The following PNPT1 variants were observed in gnomAD, a reference collection of about 807,000 sequenced individuals.
The protein encoded by PNPT1 is polyribonucleotide nucleotidyltransferase 1, mitochondrial.
Under a neutral mutation model 119.5 loss-of-function variants are expected in PNPT1, and 53 were observed. The observed-to-expected ratio is 0.44, with a 90% CI of 0.36 to 0.56. The LOEUF is 0.56. Ranked by LOEUF, PNPT1 falls within the 20% of genes least tolerant of loss-of-function variation. The probability of loss-of-function intolerance (pLI) is 0.00; values close to 1 mark genes in which losing one functional copy is unlikely to be tolerated. For missense variants in PNPT1, 948 were observed against 938.5 expected (o/e 1.01, Z -0.13); for synonymous variants, 357 against 322.1 (o/e 1.11, Z -1.16).
intron 13 of PNPT1, among the ~76,000 whole-genome samples, chr2:55,662,402 C>T (rs1037686555): frequency 6.6e-6 from 1 of 152,148 alleles, no homozygotes; most frequent in Non-Finnish European, 1.5e-5. Flanking sequence ...TCAGGCCAGG[C>T]GTGGTGGCCC....
At position 55,645,711 on chromosome 2, in the gene PNPT1, A is replaced by C. The variant is rs1176285662; in HGVS notation, c.1739-279T>G. ...TAGTTGTGCTTCTTCTTTTTTTAAAATAGATATGGGATCTCACTACGTTGC... is the reference window on the plus strand; with the variant it reads ...TAGTTGTGCTTCTTCTTTTTTTAAACTAGATATGGGATCTCACTACGTTGC... On this transcript the variant is annotated intron_variant, in intron 21 of 27. Transcript: ENST00000447944. Among the ~76,000 whole-genome samples the C allele has an allele frequency of 2.0e-5, 3 of 152,262 alleles. No individual in the cohort carries two copies. The East Asian group carries it at 5.8e-4, about 29-fold the overall frequency.
At chr2:55,685,151 C>T (rs1697362429) in intron 3 of PNPT1, 103 bp from the exon 4 acceptor site, 2 of 726,756 alleles carry the variant, frequency 2.8e-6, no homozygotes, top group African/African-American at 1.8e-5. Flanking sequence ...ACAGTCTAGA[C>T]TCAGAGTAGA....
intron 13 of PNPT1, among the ~76,000 whole-genome samples, chr2:55,665,066 C>A (rs1258648095): frequency 1.3e-5 from 2 of 151,974 alleles, no homozygotes; most frequent in Non-Finnish European, 2.9e-5. Context: ...TTAAAATATA[C>A]CCCTAAATCA....
rs1696381336 is a variant in PNPT1, at chr2:55,656,191, C to G, written c.1381G>C (p.Val461Leu). Residue 461 changes from valine (V) to leucine (L), a missense_variant, in exon 17 of 28, where the codon GTT becomes CTT. Physicochemically the swap from Val to Leu is conservative, Grantham distance 32. Transcript: ENST00000447944. ...GTGAAAGGAAAATCTCGGGGAATAA[C>G]AGGATACAAAGCTTTCTCAGCAAGA... is the stretch of plus-strand genomic sequence containing the variant. Reference protein sequence around the residue: ...GALAEKALYPVIPRDFPFTIR... With the variant: ...GALAEKALYPLIPRDFPFTIR... 6.2e-7 allele frequency: 1 copy of G among 1,613,270 alleles called. No homozygotes were observed. Among genetic ancestry groups the G allele is most frequent in the Non-Finnish European group, 8.5e-7 (1 of 1,179,616 alleles).
chr2:55,684,839 C>A, intron 4 of PNPT1, 104 bp downstream of exon 4: 25 of 1,305,694 alleles, frequency 1.9e-5, no homozygotes, highest in Non-Finnish European at 2.4e-5. Flanking sequence ...GGTGTTAATG[C>A]TATGAAGGAA....
At chr2:55,640,563 G>T (rs1304551136) in intron 26 of PNPT1, 64 bp downstream of exon 26, 2 of 1,320,770 alleles carry the variant, frequency 1.5e-6, no homozygotes, top group East Asian at 4.6e-5. Context: ...ACCAACCTAG[G>T]TAATTTCAAT....
At chr2:55,677,596 C>CAAAAAAA (rs70954146) in intron 8 of PNPT1, among the ~76,000 whole-genome samples, 5 of 33,504 alleles carry the variant, frequency 1.5e-4, no homozygotes, top group African/African-American at 1.4e-4. Flanking sequence ...GACTATGTCT[C>CAAAAAAA]AAAAAAAAAA....
At chr2:55,681,366 C>A (rs961009948) in intron 5 of PNPT1, among the ~76,000 whole-genome samples, 1 of 152,138 alleles carries the variant, frequency 6.6e-6, no homozygotes. Context: ...GAGATCACGC[C>A]ATTGCACTCC....
chr2:55,677,288 T>C (rs183556162), intron 8 of PNPT1, among the ~76,000 whole-genome samples: 18 of 152,294 alleles, frequency 1.2e-4, no homozygotes, highest in Admixed American at 2.6e-4. Context: ...GCATGCCACA[T>C]GTGCAGCAAA....
Position 55,667,952 on chromosome 2 carries a change from A to C in PNPT1, c.983T>G (p.Phe328Cys), listed in dbSNP as rs1696790031. ...LDTEEQLKEK[F>C]PEADPYEIIE... The stretch of plus-strand genomic sequence containing the variant: ...TATTTCATATGGATCGGCTTCTGGA[A>C]ATTTTTCTATAGAAAAAAGACAAAC... The change falls in exon 12 of 28, where the codon TTT becomes TGT. Residue 328 changes from phenylalanine (F) to cysteine (C), a missense_variant. Transcript: ENST00000447944. 1 of 1,577,794 alleles carries C rather than the reference A, an allele frequency of 6.3e-7. No individual in the cohort carries two copies. The highest frequency in any genetic ancestry group is 8.5e-7 in the Non-Finnish European group (1 of 1,170,954).
rs746208333 is a variant in PNPT1 at position 55,662,332 on chromosome 2, C to T, written c.1177-306G>A. Among the ~76,000 whole-genome samples, 74 of 152,204 alleles carry T rather than the reference C, an allele frequency of 4.9e-4. No homozygotes were observed. In the Middle Eastern group the frequency reaches 0.01, roughly 21 times the overall value. On this transcript the variant is annotated intron_variant, in intron 13 of 27. Transcript: ENST00000447944. The stretch of plus-strand genomic sequence containing the variant: ...TTTAAGAACTATGTAGGAGAGTACG[C>T]TGAGGAAGCCTTAATACAGGTTCAG...
intron 9 of PNPT1, among the ~76,000 whole-genome samples, chr2:55,672,597 T>C (rs1263704051): frequency 6.6e-6 from 1 of 152,252 alleles, no homozygotes; most frequent in African/African-American, 2.4e-5. Flanking sequence ...TCCTTAGATA[T>C]TCAAATATCT....
At chr2:55,677,060 G>A (rs960624108) in intron 8 of PNPT1, among the ~76,000 whole-genome samples, 2 of 152,186 alleles carry the variant, frequency 1.3e-5, no homozygotes, top group African/African-American at 4.8e-5. Context: ...AGAGAGAGCT[G>A]GCTGAATAGC....
At chr2:55,661,881 T>C in intron 14 of PNPT1, 75 bp downstream of exon 14, 1 of 1,295,594 alleles carries the variant, frequency 7.7e-7, no homozygotes, top group Non-Finnish European at 1.0e-6. Context: ...CAATAATTAA[T>C]AATATACCAC....
At chr2:55,643,450 T>C (rs780673650) in intron 23 of PNPT1, 25 bp from the exon 24 acceptor site, 14 of 1,602,632 alleles carry the variant, frequency 8.7e-6, no homozygotes, top group Non-Finnish European at 1.2e-5. Context: ...ATGTAACATA[T>C]TAAAGTTAAC....
At chr2:55,671,577 A>G (rs569952184) in intron 10 of PNPT1, among the ~76,000 whole-genome samples, 1 of 152,366 alleles carries the variant, frequency 6.6e-6, no homozygotes, top group South Asian at 2.1e-4. Context: ...CCTAAAACTT[A>G]TATTAAAAAG....
intron 1 of PNPT1, among the ~76,000 whole-genome samples, chr2:55,689,842 G>C (rs143081357): frequency 1.3e-5 from 2 of 152,260 alleles, no homozygotes; most frequent in East Asian, 3.9e-4. Context: ...CTTATTTTGA[G>C]ATAGGGTCTT....
At chr2:55,636,618 C>G (rs1243911952) in intron 27 of PNPT1, among the ~76,000 whole-genome samples, 2 of 152,178 alleles carry the variant, frequency 1.3e-5, no homozygotes, top group Non-Finnish European at 2.9e-5. Context: ...TAATCTGCCG[C>G]TGAACTCATC....
At chr2:55,676,614 C>G (rs1161603097) in intron 8 of PNPT1, among the ~76,000 whole-genome samples, 1 of 152,140 alleles carries the variant, frequency 6.6e-6, no homozygotes, top group Non-Finnish European at 1.5e-5. Flanking sequence ...GCAATCCCGG[C>G]ACTTCGGGAG....
Sources: allele counts gnomAD v4.1 joint callset (sites outside exome capture counted in the v4.1 genomes callset), GRCh38; gene constraint gnomAD v4.1.1; transcripts MANE v1.5; gene names NCBI Gene and HGNC (gene_info 2026-07-23, HGNC 2026-07-21).